The following MTUS1 variants were observed in gnomAD, a reference collection of about 807,000 sequenced individuals.
MTUS1 encodes microtubule associated scaffold protein 1, also known as microtubule-associated tumor suppressor 1.
In MTUS1, 109 loss-of-function variants were observed where a neutral mutation model predicts 120.8. That is an observed-to-expected ratio of 0.90 (90% CI 0.77 to 1.06). MTUS1 has a LOEUF of 1.06. Among genes scored for constraint, MTUS1 ranks in the 50% least tolerant of loss-of-function variants. The pLI, the probability that MTUS1 is intolerant of heterozygous loss-of-function variation, is 0.00. For synonymous variants in MTUS1, 737 were observed against 550.5 expected (o/e 1.34, Z -4.74); for missense variants, 2,210 against 1,486.3 (o/e 1.49, Z -8.01).
At chr8:17,720,923 G>T (rs1023326624) in intron 4 of MTUS1, among the ~76,000 whole-genome samples, 2 of 152,058 alleles carry the variant, frequency 1.3e-5, no homozygotes, top group African/African-American at 4.8e-5. Flanking sequence ...CACACACAAA[G>T]AACCTGCTAA....
At chr8:17,743,469 T>C in intron 3 of MTUS1, 135 bp downstream of exon 3, 1 of 792,364 alleles carries the variant, frequency 1.3e-6, no homozygotes, top group African/African-American at 1.7e-5. Flanking sequence ...ATCTTCTTTT[T>C]CTACCTCCTG....
chr8:17,646,158 A>G lies in MTUS1; in HGVS notation c.3600-19T>C. The G allele has an allele frequency of 6.3e-7, 1 of 1,588,034 alleles. No individual in the cohort carries two copies. Among genetic ancestry groups the G allele is most frequent in the African/African-American group, 1.4e-5 (1 of 73,504 alleles). On this transcript the variant is annotated intron_variant, in intron 14 of 14. Coordinates refer to ENST00000693296, the MANE Select transcript of MTUS1 (RefSeq NM_001363059.2). ...AAGCTGCCTTGAAGAAAAAGGCCAG[A>G]AACCATGAGATCTATGTAAAAAAAA... is the stretch of plus-strand genomic sequence containing the variant.
intron 1 of MTUS1, among the ~76,000 whole-genome samples, chr8:17,765,618 C>CAAAAAAA (rs3039983): frequency 1.3e-4 from 12 of 94,484 alleles, no homozygotes; most frequent in African/African-American, 5.4e-4. Context: ...GACTCTGTCT[C>CAAAAAAA]AAAAAAAAAA....
chr8:17,755,107 G>T lies in MTUS1; in HGVS notation c.701C>A (p.Thr234Lys). The T allele has an allele frequency of 6.2e-7, 1 of 1,613,978 alleles. No homozygotes were observed. The highest frequency in any genetic ancestry group is 1.3e-5 in the African/African-American group (1 of 75,064). The stretch of plus-strand genomic sequence containing the variant: ...AGTCATGTCTTGGGCTTCTGATGGT[G>T]TGACTTGAGGGTTTTCAAAGCTTTC... ...DRESFENPQV[T>K]PSEAQDMTYT... The change falls in exon 2 of 15, where the codon ACA becomes AAA. Residue 234 changes from threonine to lysine, a missense_variant. Physicochemically the swap from Thr to Lys is moderately conservative, Grantham distance 78. Transcript: ENST00000693296.
chr8:17,654,583 C>T lies in MTUS1; in HGVS notation c.3192G>A (p.Lys1064=). Residue 1064 remains lysine (K), a synonymous_variant, in exon 10 of 15, where the codon AAG becomes AAA. Coordinates refer to ENST00000693296, the MANE Select transcript of MTUS1 (RefSeq NM_001363059.2). ...TGCCTGAAAGGGAGGCTTCATAGGC[C>T]TTCTTTAGCAATTCAAGTTTCTCTG... ...SHSEKLELLK[K]AYEASLSEIK... is the part of the protein sequence containing the mutation. 6.2e-7 allele frequency: 1 copy of T among 1,613,362 alleles called. No homozygotes were observed. The highest frequency in any genetic ancestry group is 1.1e-5 in the South Asian group (1 of 91,062).
intron 12 of MTUS1, 26 bp downstream of exon 12, chr8:17,653,160 C>A: frequency 7.4e-7 from 1 of 1,344,138 alleles, no homozygotes; most frequent in Non-Finnish European, 1.0e-6. Flanking sequence ...AAATTCCATA[C>A]TGATAAAGGA....
intron 6 of MTUS1, among the ~76,000 whole-genome samples, chr8:17,700,172 T>C (rs1306582376): frequency 6.6e-6 from 1 of 151,864 alleles, no homozygotes; most frequent in Non-Finnish European, 1.5e-5. Context: ...TAGCTATGAG[T>C]CTTTATGGGC....
intron 6 of MTUS1, among the ~76,000 whole-genome samples, chr8:17,703,282 T>C (rs528413552): frequency 6.6e-6 from 1 of 152,254 alleles, no homozygotes; most frequent in East Asian, 1.9e-4. Context: ...AGGAAAAGAA[T>C]TGCATTCCTG....
chr8:17,743,433 C>T (rs1172733726), intron 3 of MTUS1, among the ~76,000 whole-genome samples, 171 bp downstream of exon 3: 1 of 152,166 alleles, frequency 6.6e-6, no homozygotes, highest in African/African-American at 2.4e-5. Flanking sequence ...CTTTGCCTTG[C>T]TCAAAGATAA....
intron 1 of MTUS1, among the ~76,000 whole-genome samples, chr8:17,769,203 C>G (rs2049813920): frequency 2.0e-5 from 3 of 146,510 alleles, no homozygotes. Context: ...TCTGATTCCT[C>G]AAGTTCATTC....
intron 6 of MTUS1, among the ~76,000 whole-genome samples, chr8:17,685,921 C>T (rs766703116): frequency 3.9e-5 from 6 of 152,058 alleles, no homozygotes; most frequent in Non-Finnish European, 8.8e-5. Flanking sequence ...AGAAAATAGC[C>T]AAGTTAATAT....
chr8:17,662,613 C>T (rs1184668658), intron 8 of MTUS1, among the ~76,000 whole-genome samples: 4 of 152,024 alleles, frequency 2.6e-5, no homozygotes, highest in South Asian at 4.2e-4. Flanking sequence ...CTCAGCATCC[C>T]AAAGTGCTGG....
chr8:17,750,629 GACA>G (rs762489847), intron 2 of MTUS1, among the ~76,000 whole-genome samples: 6 of 152,108 alleles, frequency 3.9e-5, no homozygotes, highest in Non-Finnish European at 8.8e-5. Flanking sequence ...TTAAAATGTC[GACA>G]ACAATTGCCC....
chr8:17,671,118 A>T (rs1811929438), intron 8 of MTUS1, among the ~76,000 whole-genome samples: 1 of 152,206 alleles, frequency 6.6e-6, no homozygotes, highest in Non-Finnish European at 1.5e-5. Context: ...ATTCCGCTGT[A>T]TGAAAATTAC....
At chr8:17,770,275 G>A (rs1218753401) in intron 1 of MTUS1, among the ~76,000 whole-genome samples, 2 of 151,868 alleles carry the variant, frequency 1.3e-5, no homozygotes, top group Admixed American at 6.6e-5. Flanking sequence ...CTGAAGTAGG[G>A]GTAATCTAAT....
intron 1 of MTUS1, among the ~76,000 whole-genome samples, chr8:17,764,402 C>CAAAAAAAA (rs11400332): frequency 7.2e-6 from 1 of 138,280 alleles, no homozygotes. Flanking sequence ...AAGAAAACTG[C>CAAAAAAAA]AAAAAAAAAA....
intron 13 of MTUS1, among the ~76,000 whole-genome samples, chr8:17,648,400 A>C (rs1445069039): frequency 6.6e-6 from 1 of 152,220 alleles, no homozygotes; most frequent in African/African-American, 2.4e-5. Flanking sequence ...AGTTTACAGC[A>C]AAGTCTGATT....
rs139242594 is a variant in MTUS1 at position 17,744,789 on chromosome 8, C to T, written c.2092-990G>A. On this transcript the variant is annotated intron_variant, in intron 2 of 14. Coordinates refer to ENST00000693296, the MANE Select transcript of MTUS1 (RefSeq NM_001363059.2). The stretch of plus-strand genomic sequence containing the variant: ...TCAAACTCCACACTTCGTGATCTGC[C>T]GCCTCGGCCTCCCAAAGGGCTGGGA... Among the ~76,000 whole-genome samples, 41 of 150,868 alleles carry T rather than the reference C, an allele frequency of 2.7e-4. 1 individual carries two copies. The highest frequency in any genetic ancestry group is 7.1e-4 in the African/African-American group (29 of 41,128).
intron 8 of MTUS1, among the ~76,000 whole-genome samples, chr8:17,674,038 C>G (rs1027232408): frequency 1.3e-5 from 2 of 152,194 alleles, no homozygotes; most frequent in African/African-American, 4.8e-5. Context: ...AGCTCCAGAT[C>G]TGGCTGAAGC....
Sources: allele counts gnomAD v4.1 joint callset (sites outside exome capture counted in the v4.1 genomes callset), GRCh38; gene constraint gnomAD v4.1.1; transcripts MANE v1.5; gene names NCBI Gene and HGNC (gene_info 2026-07-23, HGNC 2026-07-21).